EXOSC7: variants seen among roughly 807,000 people sequenced by gnomAD.
EXOSC7 encodes exosome complex component RRP42.
In EXOSC7, 25 loss-of-function variants were observed where a neutral mutation model predicts 34.3. That is an observed-to-expected ratio of 0.73 (90% CI 0.53 to 1.02). The LOEUF is 1.02. EXOSC7 is among the 50% of genes least tolerant of loss of function. The probability of loss-of-function intolerance (pLI) is 0.00; values close to 1 mark genes in which losing one functional copy is unlikely to be tolerated. For synonymous variants in EXOSC7, 130 were observed against 143.0 expected (o/e 0.91, Z 0.65); for missense variants, 370 against 368.5 (o/e 1.00, Z -0.03).
At chr3:45,008,887 T>C (rs749223414) in intron 7 of EXOSC7, among the ~76,000 whole-genome samples, 46 of 152,244 alleles carry the variant, frequency 3.0e-4, no homozygotes, top group Non-Finnish European at 5.6e-4. Context: ...CTGGAGTTTA[T>C]TGTGTGCGTA....
intron 1 of EXOSC7, among the ~76,000 whole-genome samples, chr3:44,985,597 G>A (rs138188400): frequency 0.022 from 3,369 of 150,274 alleles, 79 homozygotes; most frequent in Middle Eastern, 0.076. Context: ...GCTGGCTTCA[G>A]GAGTGAAGCT....
chr3:44,986,237 T>C (rs1299899514), intron 1 of EXOSC7, among the ~76,000 whole-genome samples: 1 of 151,794 alleles, frequency 6.6e-6, no homozygotes, highest in Non-Finnish European at 1.5e-5. Flanking sequence ...GCGGGGAGGC[T>C]CCCGCATGGC....
chr3:44,977,783 T>C (rs1023204535), intron 1 of EXOSC7, among the ~76,000 whole-genome samples: 2 of 152,262 alleles, frequency 1.3e-5, no homozygotes, highest in South Asian at 2.1e-4. Context: ...GTCTTCTTTG[T>C]TACCGGAGCT....
chr3:45,003,353 GTGTGTGTGTA>G (rs1706939115), intron 5 of EXOSC7, among the ~76,000 whole-genome samples: 6 of 141,036 alleles, frequency 4.3e-5, no homozygotes, highest in African/African-American at 1.8e-4. Flanking sequence ...GTGCGTGCGT[GTGTGTGTGTA>G]TGTGTGTGTG....
intron 1 of EXOSC7, among the ~76,000 whole-genome samples, chr3:44,978,154 G>C (rs1333575681): frequency 1.3e-5 from 2 of 152,214 alleles, no homozygotes; most frequent in Non-Finnish European, 1.5e-5. Context: ...AGTTAGTGGA[G>C]GTTGAAGTTA....
chr3:45,003,343 GTGCGTGCGTGTGTGTGTGTA>G (rs1484973938), intron 5 of EXOSC7, among the ~76,000 whole-genome samples: 7 of 80,332 alleles, frequency 8.7e-5, no homozygotes, highest in African/African-American at 2.5e-4. Flanking sequence ...GCGTGCGTGC[GTGCGTGCGTGTGTGTGTGTA>G]TGTGTGTGTG....
intron 3 of EXOSC7, among the ~76,000 whole-genome samples, chr3:44,996,158 G>C (rs6441876): frequency 0.59 from 89,744 of 152,044 alleles, 27,339 homozygotes; most frequent in East Asian, 0.88. Context: ...CAAGGGGTCA[G>C]AAGGCTTTAA....
intron 1 of EXOSC7, among the ~76,000 whole-genome samples, chr3:44,976,721 T>G (rs1370922478): frequency 6.6e-6 from 1 of 152,210 alleles, no homozygotes; most frequent in African/African-American, 2.4e-5. Context: ...CTGCTTTTCC[T>G]CACCTCGTGG....
intron 7 of EXOSC7, among the ~76,000 whole-genome samples, chr3:45,008,722 G>A (rs953195681): frequency 8.5e-5 from 13 of 152,226 alleles, no homozygotes. Flanking sequence ...AGCACCCTGA[G>A]TTCAAATTTC....
rs371722874 is a variant in EXOSC7 at position 44,978,359 on chromosome 3, C to T, written c.57+2025C>T. Among the ~76,000 whole-genome samples, 40 of 152,188 alleles carry T rather than the reference C, an allele frequency of 2.6e-4. No individual in the cohort carries two copies. In the South Asian group the frequency reaches 8.3e-3, roughly 32 times the overall value. ...GGACTTGTAATGCTCTGAAGGCTTC[C>T]CTAAGGAGGTGGAATTGCTCCCCTA... On this transcript the variant is annotated intron_variant, in intron 1 of 7. Coordinates refer to ENST00000265564, the MANE Select transcript of EXOSC7 (RefSeq NM_015004.4).
chr3:44,992,164 T>C (rs1706591779), intron 3 of EXOSC7, among the ~76,000 whole-genome samples: 2 of 152,142 alleles, frequency 1.3e-5, no homozygotes, highest in Non-Finnish European at 1.5e-5. Flanking sequence ...ACACACCCAC[T>C]CCCACCTGGA....
intron 6 of EXOSC7, among the ~76,000 whole-genome samples, chr3:45,006,695 C>T (rs997167311): frequency 1.6e-4 from 24 of 152,040 alleles, no homozygotes; most frequent in African/African-American, 5.3e-4. Context: ...GGATTACAGG[C>T]GTGAGCCACC....
chr3:44,998,504 A>G (rs1413741496), intron 4 of EXOSC7, among the ~76,000 whole-genome samples: 3 of 152,010 alleles, frequency 2.0e-5, no homozygotes, highest in Non-Finnish European at 2.9e-5. Flanking sequence ...AAGCTAAGCT[A>G]TTGGCCAAAT....
rs547998089 is a variant in EXOSC7 at position 44,986,940 on chromosome 3, T to C, written c.58-2200T>C. On this transcript the variant is annotated intron_variant, in intron 1 of 7. Transcript: ENST00000265564. ...GAGCAGTGTTTTATTTTATTTTTTA[T>C]GTTTCTGGGAAGCATCAACTCCTTG... Among the ~76,000 whole-genome samples the C allele has an allele frequency of 2.6e-5, 4 of 152,320 alleles. No individual in the cohort carries two copies. The South Asian group carries it at 8.3e-4, about 32-fold the overall frequency.
chr3:45,002,737 G>A (rs1706916165), intron 5 of EXOSC7, among the ~76,000 whole-genome samples: 1 of 152,144 alleles, frequency 6.6e-6, no homozygotes, highest in African/African-American at 2.4e-5. Context: ...GTGTAATTTA[G>A]AGCAGACAAA....
chr3:44,994,688 AAGCATTGT>A (rs1706667843), intron 3 of EXOSC7, among the ~76,000 whole-genome samples: 1 of 151,888 alleles, frequency 6.6e-6, no homozygotes. Flanking sequence ...ATGTTGCTTA[AAGCATTGT>A]ACCCCATCCC....
rs1191851988 is a variant in EXOSC7 at position 44,997,103 on chromosome 3, C to A, written c.271C>A (p.Pro91Thr). 6.2e-7 allele frequency: 1 copy of A among 1,613,770 alleles called. No individual in the cohort carries two copies. Among genetic ancestry groups the A allele is most frequent in the African/African-American group, 1.3e-5 (1 of 74,848 alleles). ...TTTGTATAGTTCAGCCAGTGCTACC[C>A]CTGAATTTGAAGGTAGAGGAGGTGA... ...FFVDCSASAT[P>T]EFEGRGGDDL... The change falls in exon 4 of 8, where the codon CCT (proline) becomes ACT (threonine). Residue 91 changes from proline (P) to threonine (T), a missense_variant. This residue lies in a region of EXOSC7 where 20 missense variants were observed against 42.2 expected (regional missense o/e 0.47). Transcript: ENST00000265564.
chr3:45,010,765 C>A (rs1707184430), intron 7 of EXOSC7, among the ~76,000 whole-genome samples: 1 of 152,128 alleles, frequency 6.6e-6, no homozygotes. Context: ...TGCTTAGAGG[C>A]TTCATGGGAG....
chr3:44,977,595 C>T (rs911295382), intron 1 of EXOSC7, among the ~76,000 whole-genome samples: 8 of 152,190 alleles, frequency 5.3e-5, no homozygotes, highest in African/African-American at 1.7e-4. Flanking sequence ...GTGTGTATTA[C>T]AGGGTAACAT....
Sources: allele counts gnomAD v4.1 joint callset (sites outside exome capture counted in the v4.1 genomes callset), GRCh38; gene constraint gnomAD v4.1.1; regional missense constraint gnomAD v4.1.1; transcripts MANE v1.5; gene names NCBI Gene and HGNC (gene_info 2026-07-23, HGNC 2026-07-21).